Variants in PSMG2 observed in about 807,000 individuals in gnomAD.
PSMG2 encodes the protein CD40 ligand-activated specific transcript 3.
A neutral mutation model predicts 31.5 loss-of-function variants in PSMG2; 21 were observed. The ratio of observed to expected loss-of-function variants is 0.67; its 90% confidence interval spans 0.47 to 0.96. The LOEUF (loss-of-function observed/expected upper bound fraction) is 0.96, where lower values mean the gene tolerates loss of function less well. PSMG2 is among the 40% of genes least tolerant of loss of function. PSMG2 has a pLI of 0.00. For synonymous variants in PSMG2, 120 were observed against 110.4 expected (o/e 1.09, Z -0.54); for missense variants, 318 against 321.2 (o/e 0.99, Z 0.08).
chr18:12,712,719 A>G lies in PSMG2; in HGVS notation c.247A>G (p.Arg83Gly), dbSNP rs144450904. The G allele has an allele frequency of 4.4e-4, 711 of 1,607,038 alleles. 6 individuals are homozygous for G. In the African/African-American group the frequency reaches 8.9e-3, roughly 20 times the overall value. The change falls in exon 3 of 7, where the codon AGA becomes GGA. Residue 83 changes from arginine (R) to glycine (G), a missense_variant. Transcript: ENST00000317615. ...INAEVYSLPS[R>G]KLVALQLRSI... ...TTTTATAGTGTATTCATTGCCTTCA[A>G]GAAAGCTGGTGGCTCTACAGTTAAG...
intron 1 of PSMG2, among the ~76,000 whole-genome samples, chr18:12,659,737 C>T (rs1011340805): frequency 6.6e-6 from 1 of 152,006 alleles, no homozygotes; most frequent in East Asian, 1.9e-4. Context: ...AATTTCAGTA[C>T]GAGAGAGACA....
At chr18:12,678,590 T>TAATACAGAGTAATCAAATTG in intron 1 of PSMG2, 2 of 588,740 alleles carry the variant, frequency 3.4e-6, no homozygotes, top group Non-Finnish European at 5.8e-6. Context: ...TTTCCACAAT[T>TAATACAGAGTAATCAAATTG]TGATTACTCT....
intron 1 of PSMG2, among the ~76,000 whole-genome samples, chr18:12,667,773 AAAAAGAAAAG>A (rs1308845197): frequency 6.7e-6 from 1 of 149,426 alleles, no homozygotes; most frequent in Non-Finnish European, 1.5e-5. Context: ...AAAAAAAAAA[AAAAAGAAAAG>A]AAAAGAAAAT....
At chr18:12,680,612 A>G (rs755324150) in intron 1 of PSMG2, 3 of 1,408,824 alleles carry the variant, frequency 2.1e-6, no homozygotes, top group Non-Finnish European at 2.9e-6. Context: ...AAAAAAAAAA[A>G]AAAAACTTAT....
chr18:12,691,707 G>GC (rs1193238813), intron 1 of PSMG2, among the ~76,000 whole-genome samples: 8 of 139,140 alleles, frequency 5.7e-5, no homozygotes, highest in Non-Finnish European at 1.3e-4. Context: ...CTCAAAGACA[G>GC]AATTTTTTTT....
chr18:12,667,031 A>C (rs374417624), intron 1 of PSMG2, among the ~76,000 whole-genome samples: 15 of 152,284 alleles, frequency 9.9e-5, no homozygotes, highest in East Asian at 7.7e-4. Flanking sequence ...AAACAACAAC[A>C]ACCAAACAAA....
At chr18:12,719,698 C>CT (rs34788263) in intron 4 of PSMG2, among the ~76,000 whole-genome samples, 16,179 of 134,552 alleles carry the variant, frequency 0.12, 984 homozygotes, top group Non-Finnish European at 0.14. Context: ...CAGGATGTAG[C>CT]TTTTTTTTTT....
intron 1 of PSMG2, among the ~76,000 whole-genome samples, chr18:12,697,819 G>A (rs553506006): frequency 6.6e-6 from 1 of 152,132 alleles, no homozygotes; most frequent in African/African-American, 2.4e-5. Flanking sequence ...GAAAAATACA[G>A]CACATCGAAT....
Position 12,686,422 on chromosome 18 carries a change from C to G in PSMG2, c.-36-20128C>G, listed in dbSNP as rs770831877. Reference sequence around the variant, plus strand: ...AGCTCGAAGTGGTTTAACATAGGAACAGACTGGTCTATTTATCCCATTTTC... The same window carrying G: ...AGCTCGAAGTGGTTTAACATAGGAAGAGACTGGTCTATTTATCCCATTTTC... On this transcript the variant is annotated intron_variant, in intron 1 of 6. Transcript: ENST00000585331. The G allele has an allele frequency of 7.4e-6, 12 of 1,613,306 alleles. No individual in the cohort carries two copies. The African/African-American group carries it at 1.1e-4, about 14-fold the overall frequency.
At chr18:12,671,649 T>TC in intron 1 of PSMG2, among the ~76,000 whole-genome samples, 1 of 136,630 alleles carries the variant, frequency 7.3e-6, no homozygotes, top group Non-Finnish European at 1.6e-5. Context: ...TTTCTTTTTT[T>TC]TTTTTTTTTT....
chr18:12,703,212 G>C, intron 1 of PSMG2, 48 bp downstream of exon 1: 2 of 1,559,494 alleles, frequency 1.3e-6, no homozygotes, highest in South Asian at 2.3e-5. Context: ...AGGCCCCTGC[G>C]GTGTCGCCAC....
At chr18:12,705,316 G>A (rs112506278) in intron 1 of PSMG2, among the ~76,000 whole-genome samples, 1,704 of 151,942 alleles carry the variant, frequency 0.011, 39 homozygotes, top group African/African-American at 0.039. Flanking sequence ...CACCTGCCTC[G>A]GCCTCCCAAA....
intron 1 of PSMG2, chr18:12,678,194 G>A (rs755808154): frequency 1.2e-6 from 2 of 1,614,150 alleles, no homozygotes; most frequent in South Asian, 2.2e-5. Context: ...TGCACACAGA[G>A]GTGGAAAGGG....
intron 2 of PSMG2, among the ~76,000 whole-genome samples, chr18:12,710,536 C>G (rs1568041658): frequency 6.6e-6 from 1 of 151,914 alleles, no homozygotes; most frequent in African/African-American, 2.4e-5. Context: ...AGAGCAGTCC[C>G]TTTTTTTTCA....
At chr18:12,673,751 G>A (rs376355586) in intron 1 of PSMG2, among the ~76,000 whole-genome samples, 1 of 152,010 alleles carries the variant, frequency 6.6e-6, no homozygotes, top group Non-Finnish European at 1.5e-5. Context: ...TGTGGTGGCG[G>A]GCGTCTGTAA....
chr18:12,680,613 A>C (rs996414969), intron 1 of PSMG2: 10 of 1,407,814 alleles, frequency 7.1e-6, no homozygotes, highest in Non-Finnish European at 9.6e-6. Flanking sequence ...AAAAAAAAAA[A>C]AAAACTTATA....
chr18:12,661,552 G>T (rs947588667), intron 1 of PSMG2, among the ~76,000 whole-genome samples: 1 of 151,910 alleles, frequency 6.6e-6, no homozygotes, highest in Non-Finnish European at 1.5e-5. Flanking sequence ...CAGGCAGATC[G>T]CTTGAGGCCA....
rs532933815 is a variant in PSMG2 at position 12,724,871 on chromosome 18, A to C, written c.702+252A>C. 8 of 412,700 alleles carry C rather than the reference A, an allele frequency of 1.9e-5. No homozygotes were observed. In the South Asian group the frequency reaches 8.5e-4, roughly 44 times the overall value. 25.6% of individuals were successfully genotyped at this position (412,700 alleles called of 1,614,324 possible). ...TAGTTCTTCATTGTACTTACTATTC[A>C]TGTTAGATTAATTATGCCAGACATA... is the stretch of plus-strand genomic sequence containing the variant. On this transcript the variant is annotated intron_variant, in intron 6 of 6. Coordinates refer to ENST00000317615, the MANE Select transcript of PSMG2 (RefSeq NM_020232.5).
chr18:12,681,163 A>G (rs2039334531), intron 1 of PSMG2, among the ~76,000 whole-genome samples: 1 of 150,780 alleles, frequency 6.6e-6, no homozygotes, highest in African/African-American at 2.4e-5. Context: ...GCGCCACTGC[A>G]TTCCAGCCTC....
Sources: allele counts gnomAD v4.1 joint callset (sites outside exome capture counted in the v4.1 genomes callset), GRCh38; gene constraint gnomAD v4.1.1; transcripts MANE v1.5; gene names NCBI Gene and HGNC (gene_info 2026-07-23, HGNC 2026-07-21).